Variants in ROBO2 observed in about 807,000 individuals in gnomAD.
The protein encoded by ROBO2 is roundabout homolog 2.
Under a neutral mutation model 160.8 loss-of-function variants are expected in ROBO2, and 53 were observed. The ratio of observed to expected loss-of-function variants is 0.33; its 90% CI spans 0.26 to 0.41. The LOEUF (loss-of-function observed/expected upper bound fraction) is 0.41, where lower values mean the gene tolerates loss of function less well. ROBO2 is among the 10% of genes least tolerant of loss of function. The probability of loss-of-function intolerance (pLI) is 1.00; values close to 1 mark genes in which losing one functional copy is unlikely to be tolerated. For missense variants in ROBO2, 1,577 were observed against 1,722.4 expected, an observed-to-expected ratio of 0.92 and a Z score of 1.49; for synonymous variants, 664 against 611.7, an observed-to-expected ratio of 1.09 and a Z score of -1.26.
At chr3:77,387,804 A>G (rs543894693) in intron 2 of ROBO2, among the ~76,000 whole-genome samples, 33 of 152,266 alleles carry the variant, frequency 2.2e-4, no homozygotes, top group Admixed American at 1.6e-3. Context: ...AGAAAAATAC[A>G]TAATTGACTA....
intron 2 of ROBO2, among the ~76,000 whole-genome samples, chr3:76,456,637 A>C (rs1377200253): frequency 6.6e-6 from 1 of 152,218 alleles, no homozygotes; most frequent in Non-Finnish European, 1.5e-5. Flanking sequence ...GTGCATTTAC[A>C]TACAGCTTTT....
intron 2 of ROBO2, among the ~76,000 whole-genome samples, chr3:76,103,722 C>T (rs191509840): frequency 1.3e-5 from 2 of 152,298 alleles, no homozygotes; most frequent in South Asian, 2.1e-4. Context: ...TATCAAACCA[C>T]GTTTCCTTTG....
At chr3:77,082,154 C>A (rs1371936813) in intron 1 of ROBO2, among the ~76,000 whole-genome samples, 1 of 152,076 alleles carries the variant, frequency 6.6e-6, no homozygotes, top group Non-Finnish European at 1.5e-5. Context: ...AACAGATTAG[C>A]CTGCAAAGTA....
chr3:76,494,445 G>A (rs1373785491), intron 2 of ROBO2, among the ~76,000 whole-genome samples: 1 of 152,162 alleles, frequency 6.6e-6, no homozygotes, highest in Non-Finnish European at 1.5e-5. Context: ...ACATGCAATT[G>A]TAGGCAAGTA....
chr3:76,237,642 G>T (rs955040520), intron 2 of ROBO2, among the ~76,000 whole-genome samples: 1 of 152,118 alleles, frequency 6.6e-6, no homozygotes, highest in African/African-American at 2.4e-5. Context: ...ATGCCAGCAT[G>T]GTGCCAGGAG....
At chr3:76,918,043 C>T (rs2076431153) in intron 2 of ROBO2, among the ~76,000 whole-genome samples, 2 of 152,078 alleles carry the variant, frequency 1.3e-5, no homozygotes, top group Non-Finnish European at 2.9e-5. Flanking sequence ...AAAATGAAAG[C>T]ATGGATCCCC....
At chr3:76,823,404 A>AT (rs1311482302) in intron 2 of ROBO2, among the ~76,000 whole-genome samples, 1 of 152,184 alleles carries the variant, frequency 6.6e-6, no homozygotes, top group Non-Finnish European at 1.5e-5. Flanking sequence ...ATTTTCAAAG[A>AT]TTTTATAATT....
At chr3:77,275,362 C>A (rs1383549706) in intron 2 of ROBO2, among the ~76,000 whole-genome samples, 1 of 152,124 alleles carries the variant, frequency 6.6e-6, no homozygotes, top group East Asian at 1.9e-4. Context: ...TTTAATAGAA[C>A]TTTAGCATCT....
At chr3:77,115,632 C>T (rs1359451530) in intron 2 of ROBO2, among the ~76,000 whole-genome samples, 1 of 152,112 alleles carries the variant, frequency 6.6e-6, no homozygotes, top group East Asian at 1.9e-4. Flanking sequence ...CGTGAACTAA[C>T]CGAACTTTTA....
At chr3:76,991,930 A>T (rs142996928) in intron 2 of ROBO2, among the ~76,000 whole-genome samples, 190 of 152,286 alleles carry the variant, frequency 1.2e-3, no homozygotes, top group African/African-American at 4.4e-3. Flanking sequence ...TTAATCAGAT[A>T]GTCACTCTGG....
intron 2 of ROBO2, among the ~76,000 whole-genome samples, chr3:76,396,707 T>G (rs946057528): frequency 6.6e-5 from 10 of 151,842 alleles, no homozygotes; most frequent in Non-Finnish European, 1.0e-4. Context: ...AAATCAAGAG[T>G]GAACTCCCAT....
At chr3:76,119,350 G>A (rs537406235) in intron 2 of ROBO2, among the ~76,000 whole-genome samples, 3 of 148,818 alleles carry the variant, frequency 2.0e-5, no homozygotes, top group African/African-American at 5.1e-5. Context: ...AATAACTTTC[G>A]TAATTTTTTT....
intron 2 of ROBO2, among the ~76,000 whole-genome samples, chr3:77,100,175 G>A (rs1455776349): frequency 6.6e-6 from 1 of 152,056 alleles, no homozygotes; most frequent in Non-Finnish European, 1.5e-5. Context: ...TTGTGTGTGT[G>A]TGTAATGTGA....
chr3:76,455,140 G>C (rs574455608), intron 2 of ROBO2, among the ~76,000 whole-genome samples: 1 of 152,068 alleles, frequency 6.6e-6, no homozygotes, highest in Non-Finnish European at 1.5e-5. Context: ...TTTCATTGTA[G>C]GATATTTCAT....
At chr3:77,144,144 T>C (rs1401851935) in intron 2 of ROBO2, among the ~76,000 whole-genome samples, 1 of 152,224 alleles carries the variant, frequency 6.6e-6, no homozygotes, top group Non-Finnish European at 1.5e-5. Flanking sequence ...CTTACAGTAA[T>C]GTTTATTTCT....
At chr3:76,315,087 A>G (rs1576373807) in intron 2 of ROBO2, among the ~76,000 whole-genome samples, 1 of 152,136 alleles carries the variant, frequency 6.6e-6, no homozygotes, top group African/African-American at 2.4e-5. Flanking sequence ...CAACACAAAC[A>G]TTGGCTAGTC....
intron 5 of ROBO2, among the ~76,000 whole-genome samples, chr3:77,515,009 A>G (rs1398392750): frequency 6.6e-6 from 1 of 151,772 alleles, no homozygotes; most frequent in African/African-American, 2.4e-5. Flanking sequence ...AAACTTTGTC[A>G]TGTTTTGCTT....
intron 2 of ROBO2, among the ~76,000 whole-genome samples, chr3:77,438,578 G>A (rs1444037372): frequency 6.6e-6 from 1 of 151,216 alleles, no homozygotes; most frequent in Non-Finnish European, 1.5e-5. Context: ...GCATATATGT[G>A]TATATATATT....
chr3:76,441,604 G>C (rs1490125937), intron 2 of ROBO2, among the ~76,000 whole-genome samples: 1 of 152,166 alleles, frequency 6.6e-6, no homozygotes, highest in Non-Finnish European at 1.5e-5. Context: ...GTTACATTCA[G>C]TGTGTCCATG....
Sources: gnomAD v4.1 joint callset for allele counts (sites outside exome capture counted in the v4.1 genomes callset) on GRCh38, gnomAD v4.1.1 for gene constraint, MANE v1.5 for transcripts, NCBI Gene and HGNC (gene_info 2026-07-23, HGNC 2026-07-21) for gene names.